The following PVT1 variants were observed in gnomAD, a reference collection of about 807,000 sequenced individuals.
The protein encoded by PVT1 is Pvt1 oncogene, also known as CXCR4/PVT1 fusion.
chr8:127,815,208 C>A (rs1814645337), intron 2 of PVT1, among the ~76,000 whole-genome samples: 1 of 152,186 alleles, frequency 6.6e-6, no homozygotes, highest in South Asian at 2.1e-4. Context: ...CTCAGGTGAT[C>A]CACCCTCCTC....
At chr8:127,946,045 A>G (rs910586996) in intron 3 of PVT1, among the ~76,000 whole-genome samples, 2 of 152,244 alleles carry the variant, frequency 1.3e-5, no homozygotes, top group African/African-American at 4.8e-5. Context: ...AGAGACAGAC[A>G]AAACATTGCA....
chr8:127,833,394 C>T lies in PVT1; in HGVS notation n.372+37323C>T, dbSNP rs534446868. Among the ~76,000 whole-genome samples, 35 of 152,196 alleles carry T rather than the reference C, an allele frequency of 2.3e-4. No individual in the cohort carries two copies. The South Asian group carries it at 6.9e-3, about 30-fold the overall frequency. The stretch of plus-strand genomic sequence containing the variant: ...TCCTGCCCTCTATCTTGGCCTCGCC[C>T]GGTCCTAGCCGGGGTAAGTGAACAT... On this transcript the variant is annotated intron_variant and non_coding_transcript_variant, in intron 2 of 10. Transcript: ENST00000651587.
intron 2 of PVT1, among the ~76,000 whole-genome samples, chr8:127,847,457 C>T (rs1292139325): frequency 6.6e-6 from 1 of 152,150 alleles, no homozygotes; most frequent in Non-Finnish European, 1.5e-5. Flanking sequence ...CTGGCCATCT[C>T]ATGTTGGGAC....
intron 4 of PVT1, among the ~76,000 whole-genome samples, chr8:128,053,691 G>A (rs1025295569): frequency 6.6e-6 from 1 of 152,162 alleles, no homozygotes; most frequent in African/African-American, 2.4e-5. Context: ...TTCTTAGCTG[G>A]CTTTGGAACA....
chr8:127,820,773 G>A (rs1352498591), intron 2 of PVT1, among the ~76,000 whole-genome samples: 1 of 151,882 alleles, frequency 6.6e-6, no homozygotes, highest in South Asian at 2.1e-4. Context: ...GCAGTGGCGC[G>A]ATCTTGGCTC....
intron 5 of PVT1, among the ~76,000 whole-genome samples, chr8:128,085,647 T>A (rs1365167193): frequency 6.6e-6 from 1 of 152,194 alleles, no homozygotes; most frequent in Non-Finnish European, 1.5e-5. Flanking sequence ...TTAAGATGCT[T>A]TCATTTTACG....
At chr8:127,943,662 T>C (rs1273787971) in intron 3 of PVT1, among the ~76,000 whole-genome samples, 1 of 152,140 alleles carries the variant, frequency 6.6e-6, no homozygotes, top group Non-Finnish European at 1.5e-5. Context: ...ACATGTTCTT[T>C]TGTGGTGGTG....
intron 4 of PVT1, among the ~76,000 whole-genome samples, chr8:128,039,071 C>T (rs1813499324): frequency 6.6e-6 from 1 of 152,140 alleles, no homozygotes; most frequent in Non-Finnish European, 1.5e-5. Flanking sequence ...ACCAGGTGCC[C>T]CTCCTCTTGG....
intron 3 of PVT1, chr8:127,947,043 C>T (rs533881624): frequency 2.6e-5 from 4 of 152,478 alleles, no homozygotes; most frequent in Admixed American, 6.5e-5. Flanking sequence ...AAGTTAAACC[C>T]GTGGTCACTT....
chr8:127,920,314 T>C (rs1816041424), intron 3 of PVT1, among the ~76,000 whole-genome samples: 1 of 152,216 alleles, frequency 6.6e-6, no homozygotes. Flanking sequence ...CTCATTCGCT[T>C]TGTAAAAGCA....
intron 3 of PVT1, among the ~76,000 whole-genome samples, chr8:127,899,224 C>T (rs1293601188): frequency 6.6e-6 from 1 of 152,190 alleles, no homozygotes. Flanking sequence ...GGCTTTCTGG[C>T]TCTGTGAGCT....
chr8:127,834,364 C>T (rs1801324230), intron 2 of PVT1, among the ~76,000 whole-genome samples: 1 of 152,036 alleles, frequency 6.6e-6, no homozygotes, highest in African/African-American at 2.4e-5. Flanking sequence ...ACCGGCTAGC[C>T]ATATGTAGAA....
intron 3 of PVT1, among the ~76,000 whole-genome samples, chr8:127,933,797 G>A (rs1586443137): frequency 6.6e-6 from 1 of 152,300 alleles, no homozygotes; most frequent in East Asian, 1.9e-4. Context: ...AACTGTGTGG[G>A]GATGTTGCCT....
intron 2 of PVT1, among the ~76,000 whole-genome samples, chr8:127,819,647 C>T (rs1331493781): frequency 1.3e-5 from 2 of 152,116 alleles, no homozygotes; most frequent in South Asian, 4.1e-4. Context: ...CGGGATAAGT[C>T]GGCTAATGAC....
intron 2 of PVT1, among the ~76,000 whole-genome samples, chr8:127,845,946 AC>A (rs1478247047): frequency 1.3e-5 from 2 of 152,138 alleles, no homozygotes; most frequent in African/African-American, 4.8e-5. Context: ...GTCACATCCC[AC>A]CCACACTTTG....
chr8:127,947,990 C>T (rs1191405846), intron 3 of PVT1: 1 of 444,516 alleles, frequency 2.2e-6, no homozygotes, highest in East Asian at 7.0e-5. Context: ...AGTTTGGGAA[C>T]ACATTGCCTT....
intron 3 of PVT1, among the ~76,000 whole-genome samples, chr8:127,936,034 CTTT>C (rs937905808): frequency 6.9e-5 from 7 of 101,250 alleles, no homozygotes; most frequent in African/African-American, 2.9e-4. Flanking sequence ...CTCTCTCTCT[CTTT>C]TTTTTTTTTT....
chr8:127,947,694 T>C, intron 3 of PVT1: 1 of 456,138 alleles, frequency 2.2e-6, no homozygotes, highest in Non-Finnish European at 4.4e-6. Flanking sequence ...CCAGCTGTGT[T>C]GTGACTGCCC....
At position 127,880,719 on chromosome 8, in the gene PVT1, G is replaced by A. The variant is rs570280684; in HGVS notation, n.373-9870G>A. ...GGGTTCAAGCAATTATCCTGCCTTAGCCTCCCGAGTAGCTGCGACTATAGG... is the reference window on the plus strand; with the variant it reads ...GGGTTCAAGCAATTATCCTGCCTTAACCTCCCGAGTAGCTGCGACTATAGG... On this transcript the variant is annotated intron_variant and non_coding_transcript_variant, in intron 2 of 10. Coordinates refer to ENST00000651587, the Ensembl canonical transcript of PVT1. Among the ~76,000 whole-genome samples the A allele has an allele frequency of 2.7e-5, 4 of 150,702 alleles. No individual in the cohort carries two copies. The East Asian group carries it at 7.9e-4, about 30-fold the overall frequency.
Sources: gnomAD v4.1 joint callset for allele counts (sites outside exome capture counted in the v4.1 genomes callset) on GRCh38, gnomAD v4.1.1 for gene constraint, MANE v1.5 for transcripts, NCBI Gene and HGNC (gene_info 2026-07-23, HGNC 2026-07-21) for gene names.